Variants in SGCD observed in about 807,000 individuals in gnomAD.
SGCD encodes sarcoglycan delta.
A neutral mutation model predicts 36.6 loss-of-function variants in SGCD; 18 were observed. The ratio of observed to expected loss-of-function variants is 0.49; its 90% confidence interval spans 0.34 to 0.73. SGCD has a LOEUF of 0.73. Ranked by LOEUF, SGCD falls within the 30% of genes least tolerant of loss-of-function variation. The pLI, the probability that SGCD is intolerant of heterozygous loss-of-function variation, is 0.01. For synonymous variants in SGCD, 133 were observed against 130.6 expected (o/e 1.02, Z -0.12); for missense variants, 387 against 346.7 (o/e 1.12, Z -0.92).
chr5:156,003,211 C>T (rs1265898732), intron 1 of SGCD, among the ~76,000 whole-genome samples: 2 of 152,190 alleles, frequency 1.3e-5, no homozygotes, highest in African/African-American at 4.8e-5. Context: ...TATTTCTTTG[C>T]ACAATTAGTT....
At chr5:156,550,332 G>GAT (rs1198032517) in intron 4 of SGCD, among the ~76,000 whole-genome samples, 2 of 152,218 alleles carry the variant, frequency 1.3e-5, no homozygotes, top group African/African-American at 4.8e-5. Context: ...CATTCTATAA[G>GAT]AAGGGCTTTC....
chr5:156,130,393 A>G (rs1762288365), intron 3 of SGCD, among the ~76,000 whole-genome samples: 1 of 152,186 alleles, frequency 6.6e-6, no homozygotes, highest in Admixed American at 6.5e-5. Context: ...GACCTTTGTC[A>G]TATGCATAGT....
At chr5:156,023,957 A>C (rs1759166553) in intron 1 of SGCD, among the ~76,000 whole-genome samples, 1 of 152,148 alleles carries the variant, frequency 6.6e-6, no homozygotes, top group Non-Finnish European at 1.5e-5. Context: ...TCCAGTGTCG[A>C]GCATCCCTGT....
chr5:155,851,454 G>A, the SGCD span, among the ~76,000 whole-genome samples: 1,367 of 152,200 alleles, frequency 9.0e-3, 20 homozygotes, highest in African/African-American at 0.031. Flanking sequence ...GCAACTCATC[G>A]TCAGAGGAGC....
chr5:155,977,780 T>C (rs1319159796), intron 1 of SGCD, among the ~76,000 whole-genome samples: 3 of 152,106 alleles, frequency 2.0e-5, no homozygotes, highest in Non-Finnish European at 4.4e-5. Context: ...GATATTTTCA[T>C]AAGTGGGTAG....
At chr5:156,334,177 C>A (rs1454265532) in intron 2 of SGCD, among the ~76,000 whole-genome samples, 5 of 152,050 alleles carry the variant, frequency 3.3e-5, no homozygotes, top group African/African-American at 7.2e-5. Context: ...TAGCTTGACT[C>A]CTATTGTCAT....
At chr5:155,968,961 A>G (rs1055070367) in intron 1 of SGCD, among the ~76,000 whole-genome samples, 4 of 152,132 alleles carry the variant, frequency 2.6e-5, no homozygotes, top group Non-Finnish European at 5.9e-5. Context: ...TTATTAAGTA[A>G]ACACTATATT....
At chr5:156,253,783 G>T (rs1429764222) in intron 3 of SGCD, among the ~76,000 whole-genome samples, 1 of 152,040 alleles carries the variant, frequency 6.6e-6, no homozygotes, top group Non-Finnish European at 1.5e-5. Flanking sequence ...GAAAGTCCAG[G>T]TTCAGGGTCA....
intron 1 of SGCD, among the ~76,000 whole-genome samples, chr5:155,946,149 G>C (rs1757432474): frequency 6.6e-6 from 1 of 152,170 alleles, no homozygotes; most frequent in Non-Finnish European, 1.5e-5. Context: ...ATTGCAAACA[G>C]CGGGTCTGTG....
At chr5:156,221,284 A>T (rs1202216956) in intron 3 of SGCD, among the ~76,000 whole-genome samples, 1 of 152,088 alleles carries the variant, frequency 6.6e-6, no homozygotes, top group Non-Finnish European at 1.5e-5. Context: ...CAATTCTTGA[A>T]GTTTATTTAA....
intron 1 of SGCD, among the ~76,000 whole-genome samples, chr5:155,996,997 C>A (rs1241743140): frequency 2.6e-5 from 4 of 151,884 alleles, no homozygotes; most frequent in Non-Finnish European, 5.9e-5. Context: ...ATGTCCTTTC[C>A]ATATGTTTAA....
the SGCD span, among the ~76,000 whole-genome samples, chr5:155,835,457 G>A: frequency 1.3e-5 from 2 of 152,136 alleles, no homozygotes; most frequent in African/African-American, 2.4e-5. Context: ...TTCCCCCAGA[G>A]AATGGCTGTC....
At chr5:156,259,916 G>A (rs1765813396) in intron 3 of SGCD, among the ~76,000 whole-genome samples, 1 of 152,118 alleles carries the variant, frequency 6.6e-6, no homozygotes, top group Non-Finnish European at 1.5e-5. Flanking sequence ...GTACCATGCG[G>A]CTGGGCTTTC....
At chr5:155,838,426 T>A in the SGCD span, among the ~76,000 whole-genome samples, 1 of 152,182 alleles carries the variant, frequency 6.6e-6, no homozygotes, top group Non-Finnish European at 1.5e-5. Flanking sequence ...AGAACATTAT[T>A]CCATAGGGTT....
chr5:156,132,626 G>A (rs56006139), intron 3 of SGCD, among the ~76,000 whole-genome samples: 1,866 of 150,964 alleles, frequency 0.012, 36 homozygotes, highest in African/African-American at 0.043. Context: ...CCACCACCAC[G>A]CCCGGCTAAT....
At chr5:155,781,456 A>T in the SGCD span, among the ~76,000 whole-genome samples, 1 of 152,092 alleles carries the variant, frequency 6.6e-6, no homozygotes, top group Non-Finnish European at 1.5e-5. Context: ...TTAACCAAAT[A>T]GGTATTTTCA....
At chr5:156,291,693 T>A (rs1766760921) in intron 3 of SGCD, among the ~76,000 whole-genome samples, 1 of 152,144 alleles carries the variant, frequency 6.6e-6, no homozygotes, top group African/African-American at 2.4e-5. Context: ...GCCTTTTTGT[T>A]AAATGCCTTT....
chr5:156,589,394 C>G (rs1760631555), intron 5 of SGCD, 76 bp downstream of exon 5: 1 of 779,496 alleles, frequency 1.3e-6, no homozygotes, highest in Non-Finnish European at 2.2e-6. Flanking sequence ...TCAAAGGAAA[C>G]ACCATATGAA....
intron 3 of SGCD, among the ~76,000 whole-genome samples, chr5:156,179,897 T>G (rs1177260712): frequency 6.6e-6 from 1 of 152,158 alleles, no homozygotes; most frequent in East Asian, 1.9e-4. Context: ...ATGTTGGGAT[T>G]ACAGGCGTGA....
Sources: gnomAD v4.1 joint callset for allele counts (sites outside exome capture counted in the v4.1 genomes callset) on GRCh38, gnomAD v4.1.1 for gene constraint, MANE v1.5 for transcripts, NCBI Gene and HGNC (gene_info 2026-07-23, HGNC 2026-07-21) for gene names.